Variants in ABCA13 observed in about 807,000 individuals in gnomAD.
ABCA13 encodes ATP-binding cassette sub-family A member 13.
Under a neutral mutation model 478.7 loss-of-function variants are expected in ABCA13, and 476 were observed. That is an observed-to-expected ratio of 0.99 (90% CI 0.92 to 1.07). The LOEUF is 1.07. Among genes scored for constraint, ABCA13 ranks in the 50% least tolerant of loss-of-function variants. The probability of loss-of-function intolerance (pLI) is 0.00; values close to 1 mark genes in which losing one functional copy is unlikely to be tolerated. For synonymous variants in ABCA13, 2,252 were observed against 2,158.9 expected (o/e 1.04, Z -1.20); for missense variants, 6,060 against 5,910.6 (o/e 1.03, Z -0.83).
At chr7:48,621,759 A>G (rs953635221) in intron 59 of ABCA13, among the ~76,000 whole-genome samples, 19 of 152,248 alleles carry the variant, frequency 1.2e-4, no homozygotes, top group Non-Finnish European at 4.4e-5. Context: ...ATTAAAGTTT[A>G]AAGAATCATG....
intron 34 of ABCA13, 45 bp from the exon 35 acceptor site, chr7:48,376,396 A>G: frequency 6.3e-7 from 1 of 1,588,488 alleles, no homozygotes; most frequent in Non-Finnish European, 8.6e-7. Context: ...ATCTACCATA[A>G]AAGAGCTTGT....
At chr7:48,223,776 A>G (rs1469231462) in intron 5 of ABCA13, among the ~76,000 whole-genome samples, 16 of 151,940 alleles carry the variant, frequency 1.1e-4, no homozygotes, top group African/African-American at 3.6e-4. Context: ...GGCCAACATG[A>G]TGAAACCACT....
chr7:48,347,451 A>G (rs1808292087), intron 29 of ABCA13, among the ~76,000 whole-genome samples: 1 of 152,236 alleles, frequency 6.6e-6, no homozygotes, highest in Non-Finnish European at 1.5e-5. Context: ...AGGCACCGTC[A>G]GCACAGTATG....
intron 55 of ABCA13, among the ~76,000 whole-genome samples, chr7:48,552,962 A>G (rs1785469448): frequency 6.8e-6 from 1 of 147,934 alleles, no homozygotes; most frequent in Admixed American, 6.8e-5. Flanking sequence ...TTCCCTCCCT[A>G]CACACCCACT....
Position 48,310,040 on chromosome 7 carries a change from T to C in ABCA13, c.9415T>C (p.Trp3139Arg). The change falls in exon 24 of 62, where the codon TGG becomes CGG. Residue 3139 changes from tryptophan (W) to arginine (R), a missense_variant. Coordinates refer to ENST00000435803, the MANE Select transcript of ABCA13 (RefSeq NM_152701.5). ...GACATTTCCCAAAGGGGAAAAATCT[T>C]GGATCGCAGCGGAGGAACTCTGTAG... The part of the protein sequence containing the change: ...LLTFPKGEKS[W>R]IAAEELCSLP... The C allele has an allele frequency of 1.9e-6, 3 of 1,613,930 alleles. No individual in the cohort carries two copies. Among genetic ancestry groups the C allele is most frequent in the Non-Finnish European group, 1.7e-6 (2 of 1,179,816 alleles).
intron 56 of ABCA13, among the ~76,000 whole-genome samples, chr7:48,584,103 T>C (rs1281307757): frequency 6.6e-6 from 1 of 152,188 alleles, no homozygotes; most frequent in Non-Finnish European, 1.5e-5. Flanking sequence ...CAGGTACATA[T>C]ATTATTATTT....
chr7:48,645,749 A>G lies in ABCA13; in HGVS notation c.*237A>G, dbSNP rs967545992. 3 of 438,288 alleles carry G rather than the reference A, an allele frequency of 6.8e-6. No individual in the cohort carries two copies. The highest frequency in any genetic ancestry group is 1.2e-5 in the Non-Finnish European group (3 of 244,360). The allele number at this position is 438,288 out of a possible 1,614,324, so 27.1% of individuals were successfully genotyped here. The stretch of plus-strand genomic sequence containing the variant: ...CTCCAAAACATTTGTTCTCTTTACC[A>G]TGCCAGATGGACACCAGCTTCTTTG... On this transcript the variant is annotated 3_prime_UTR_variant, in exon 62 of 62. Transcript: ENST00000435803.
At chr7:48,553,246 C>T (rs1041523608) in intron 55 of ABCA13, among the ~76,000 whole-genome samples, 2 of 152,098 alleles carry the variant, frequency 1.3e-5, no homozygotes, top group African/African-American at 4.8e-5. Flanking sequence ...CAAATCTTAC[C>T]TATTGTGAAC....
intron 23 of ABCA13, among the ~76,000 whole-genome samples, chr7:48,304,578 G>C (rs1042495013): frequency 2.1e-4 from 32 of 152,044 alleles, no homozygotes; most frequent in African/African-American, 6.3e-4. Context: ...GATCAGCGAT[G>C]GAACAATAGA....
chr7:48,295,982 T>C lies in ABCA13; in HGVS notation c.9119+119T>C, dbSNP rs115091853. On this transcript the variant is annotated intron_variant, in intron 21 of 61. Transcript: ENST00000435803. ...CTGTATAATATACTCTTAATGTGCA[T>C]ATTAATATATATTTTCCAAACATCA... The C allele has an allele frequency of 1.2e-3, 1,436 of 1,182,064 alleles. 16 individuals carry two copies. The African/African-American group carries it at 0.02, about 16-fold the overall frequency. 73.2% of individuals were successfully genotyped at this position (1,182,064 alleles called of 1,614,324 possible).
At chr7:48,311,547 T>C (rs1801779522) in intron 24 of ABCA13, among the ~76,000 whole-genome samples, 1 of 152,172 alleles carries the variant, frequency 6.6e-6, no homozygotes, top group African/African-American at 2.4e-5. Context: ...AGGTCCCCGA[T>C]TTGAAGTAAG....
At chr7:48,408,641 G>A (rs554788563) in intron 39 of ABCA13, among the ~76,000 whole-genome samples, 2 of 151,842 alleles carry the variant, frequency 1.3e-5, no homozygotes, top group South Asian at 4.2e-4. Context: ...TTTTCTACTT[G>A]CATTTTGTTT....
intron 42 of ABCA13, among the ~76,000 whole-genome samples, chr7:48,428,847 G>A (rs1821770795): frequency 6.6e-6 from 1 of 152,112 alleles, no homozygotes; most frequent in Non-Finnish European, 1.5e-5. Context: ...CCATTCAGTG[G>A]CTTTTAGCTT....
chr7:48,594,055 C>T (rs1790036761), intron 57 of ABCA13, among the ~76,000 whole-genome samples: 1 of 151,948 alleles, frequency 6.6e-6, no homozygotes, highest in South Asian at 2.1e-4. Context: ...TATTTGGGAA[C>T]TTTTAAGCTT....
chr7:48,532,427 A>G (rs1001501113), intron 55 of ABCA13, among the ~76,000 whole-genome samples: 10 of 151,970 alleles, frequency 6.6e-5, no homozygotes, highest in African/African-American at 2.4e-4. Flanking sequence ...TTTTTCATCT[A>G]TGTTCATTAG....
intron 55 of ABCA13, among the ~76,000 whole-genome samples, chr7:48,552,526 G>GT (rs1160490665): frequency 6.6e-6 from 1 of 150,720 alleles, no homozygotes; most frequent in East Asian, 1.9e-4. Context: ...TTCAGTCTTG[G>GT]TTTTTAGCAA....
At chr7:48,344,967 T>G (rs1487642460) in intron 29 of ABCA13, among the ~76,000 whole-genome samples, 3 of 152,198 alleles carry the variant, frequency 2.0e-5, no homozygotes, top group African/African-American at 7.2e-5. Flanking sequence ...CCTAAGAGTT[T>G]TTGTGTGGAG....
rs1787330507 is a variant in ABCA13, at chr7:48,221,307, A to G, written c.466A>G (p.Thr156Ala). The change falls in exon 5 of 62, where the codon ACA becomes GCA. Residue 156 changes from threonine (T) to alanine (A), a missense_variant and splice_region_variant. Physicochemically the swap from Thr to Ala is moderately conservative, Grantham distance 58. Transcript: ENST00000435803. Reference protein sequence around the residue: ...PDSSYGSSFFTMDLNKTEEVI... With the variant: ...PDSSYGSSFFAMDLNKTEEVI... ...TTCTTCTTATGGTTCCAGTTTTTTTACAGTAAGTATCTTAACAATAGTTTG... is the reference window on the plus strand; with the variant it reads ...TTCTTCTTATGGTTCCAGTTTTTTTGCAGTAAGTATCTTAACAATAGTTTG... 8.7e-7 allele frequency: 1 copy of G among 1,151,962 alleles called. No individual in the cohort carries two copies. Among genetic ancestry groups the G allele is most frequent in the Non-Finnish European group, 1.2e-6 (1 of 807,990 alleles). The allele number at this position is 1,151,962 out of a possible 1,614,324, so 71.4% of individuals were successfully genotyped here.
chr7:48,543,098 A>G (rs1334981804), intron 55 of ABCA13, among the ~76,000 whole-genome samples: 1 of 151,866 alleles, frequency 6.6e-6, no homozygotes, highest in Non-Finnish European at 1.5e-5. Context: ...AATTAGAAAT[A>G]AGGCAAATAA....
Sources: gnomAD v4.1 joint callset for allele counts (sites outside exome capture counted in the v4.1 genomes callset) on GRCh38, gnomAD v4.1.1 for gene constraint, MANE v1.5 for transcripts, NCBI Gene and HGNC (gene_info 2026-07-23, HGNC 2026-07-21) for gene names.